Variants in SPAG17 observed in about 807,000 individuals in gnomAD.
The protein encoded by SPAG17 is sperm-associated antigen 17.
Under a neutral mutation model 273.6 loss-of-function variants are expected in SPAG17, and 169 were observed. That is an observed-to-expected ratio of 0.62 (90% CI 0.55 to 0.70). The LOEUF is 0.70. SPAG17 is among the 30% of genes least tolerant of loss of function. SPAG17 has a pLI of 0.00. For synonymous variants in SPAG17, 825 were observed against 873.2 expected (o/e 0.94, Z 0.97); for missense variants, 2,557 against 2,627.8 (o/e 0.97, Z 0.59).
At chr1:118,126,355 G>A (rs569472461) in intron 3 of SPAG17, among the ~76,000 whole-genome samples, 13 of 151,000 alleles carry the variant, frequency 8.6e-5, no homozygotes, top group African/African-American at 2.4e-4. Flanking sequence ...ACAGGCGCCC[G>A]CCACTACACC....
At position 118,055,876 on chromosome 1, in the gene SPAG17, C is replaced by A. The variant is rs757877561; in HGVS notation, c.2579G>T (p.Trp860Leu). 7 of 1,610,030 alleles carry A rather than the reference C, an allele frequency of 4.3e-6. No individual in the cohort carries two copies. The highest frequency in any genetic ancestry group is 5.9e-6 in the Non-Finnish European group (7 of 1,178,980). Reference sequence around the variant, plus strand: ...ATATATAGCTTCTTCTTTTGTAATCCAATCTTGAATAGATTTTGCAACAAG... The same window carrying A: ...ATATATAGCTTCTTCTTTTGTAATCAAATCTTGAATAGATTTTGCAACAAG... ...LELVAKSIQD[W>L]ITKEEAIYQE... Residue 860 changes from tryptophan (W) to leucine (L), a missense_variant, in exon 19 of 49, where the codon TGG (tryptophan) becomes TTG (leucine). By Grantham distance (61) the Trp-to-Leu change is moderately conservative. Coordinates refer to ENST00000336338, the MANE Select transcript of SPAG17 (RefSeq NM_206996.4).
At chr1:118,137,172 G>C (rs1230758892) in intron 3 of SPAG17, among the ~76,000 whole-genome samples, 1 of 152,154 alleles carries the variant, frequency 6.6e-6, no homozygotes, top group African/African-American at 2.4e-5. Context: ...GTGGTGGCCT[G>C]TGACTATGTG....
At chr1:118,074,432 T>G in intron 16 of SPAG17, 107 bp downstream of exon 16, 2 of 933,680 alleles carry the variant, frequency 2.1e-6, no homozygotes, top group South Asian at 2.8e-5. Flanking sequence ...GCCTCAGTAT[T>G]CTCCTTCTAA....
chr1:117,993,648 A>G (rs1458403821), intron 35 of SPAG17, among the ~76,000 whole-genome samples: 1 of 152,234 alleles, frequency 6.6e-6, no homozygotes, highest in Admixed American at 6.5e-5. Context: ...TTGCTATTAC[A>G]AGGTTTAGTG....
chr1:117,991,582 G>A, intron 36 of SPAG17, 54 bp from the exon 37 acceptor site: 1 of 1,132,440 alleles, frequency 8.8e-7, no homozygotes, highest in Non-Finnish European at 1.3e-6. Flanking sequence ...GGAAGAGAGA[G>A]ATACAAAAAT....
intron 20 of SPAG17, among the ~76,000 whole-genome samples, chr1:118,053,452 T>C (rs368355610): frequency 5.3e-5 from 8 of 151,984 alleles, no homozygotes; most frequent in East Asian, 1.9e-4. Context: ...ACATTCAAAA[T>C]TGAATTCAAG....
rs1291583213 is a variant in SPAG17 at position 118,185,148 on chromosome 1, T to C, written c.10A>G (p.Lys4Glu). MAP[K>E]KEKGGTVNTS... ...TTCACAGTTCCTCCTTTCTCCTTCT[T>C]GGGTGCCATGCAAAGGACGGGAGAA... The change falls in exon 1 of 49, where the codon AAG (lysine) becomes GAG (glutamate). Residue 4 changes from lysine (K) to glutamate (E), a missense_variant. Lys to Glu is a moderately conservative substitution (Grantham distance 56, BLOSUM62 1). Transcript: ENST00000336338. 1 of 1,613,942 alleles carries C rather than the reference T, an allele frequency of 6.2e-7. No homozygotes were observed. The highest frequency in any genetic ancestry group is 8.5e-7 in the Non-Finnish European group (1 of 1,179,822).
chr1:118,093,081 T>C (rs1655489856), intron 8 of SPAG17, 75 bp downstream of exon 8: 2 of 1,464,638 alleles, frequency 1.4e-6, no homozygotes, highest in South Asian at 1.3e-5. Context: ...TTTTTCTTCA[T>C]ATGCCTTATA....
intron 5 of SPAG17, among the ~76,000 whole-genome samples, chr1:118,101,251 C>A (rs1656048592): frequency 6.6e-6 from 1 of 152,048 alleles, no homozygotes; most frequent in Non-Finnish European, 1.5e-5. Context: ...CCTGTCTCTA[C>A]AAAATAAATT....
At chr1:118,124,117 T>A (rs1373088229) in intron 3 of SPAG17, among the ~76,000 whole-genome samples, 1 of 152,252 alleles carries the variant, frequency 6.6e-6, no homozygotes, top group Non-Finnish European at 1.5e-5. Flanking sequence ...CTGAATGTGA[T>A]AACGTATGGA....
At chr1:118,116,849 C>T (rs938290432) in intron 3 of SPAG17, among the ~76,000 whole-genome samples, 23 of 152,170 alleles carry the variant, frequency 1.5e-4, no homozygotes, top group Admixed American at 1.4e-3. Flanking sequence ...AAATACAGTG[C>T]TTTGCTTTTT....
intron 4 of SPAG17, among the ~76,000 whole-genome samples, chr1:118,110,974 T>TCA (rs1656721384): frequency 6.6e-6 from 1 of 152,132 alleles, no homozygotes; most frequent in South Asian, 2.1e-4. Context: ...TTTCATACCC[T>TCA]CAGTTTCCCC....
intron 3 of SPAG17, among the ~76,000 whole-genome samples, chr1:118,126,481 G>A (rs1380589073): frequency 6.6e-6 from 1 of 151,720 alleles, no homozygotes; most frequent in African/African-American, 2.4e-5. Flanking sequence ...CCAAAGTGCT[G>A]GGATTACAGG....
At chr1:118,020,006 T>A (rs1472922307) in intron 28 of SPAG17, among the ~76,000 whole-genome samples, 1 of 152,196 alleles carries the variant, frequency 6.6e-6, no homozygotes, top group African/African-American at 2.4e-5. Context: ...AGAGACACAT[T>A]TAAACATAAA....
At chr1:117,957,610 C>T (rs1049608923) in intron 48 of SPAG17, among the ~76,000 whole-genome samples, 9 of 152,170 alleles carry the variant, frequency 5.9e-5, no homozygotes, top group South Asian at 2.1e-4. Flanking sequence ...CTGTGGCCCG[C>T]AGGCCACATG....
chr1:117,969,436 G>A (rs1427144190), intron 46 of SPAG17, among the ~76,000 whole-genome samples: 2 of 151,972 alleles, frequency 1.3e-5, no homozygotes, highest in African/African-American at 4.8e-5. Context: ...AAAATTAGCC[G>A]GACGTGGTGG....
In SPAG17 at chr1:117,971,878, C is replaced by G; in HGVS notation, c.6311G>C (p.Gly2104Ala). ...YATVVKLKNV[G>A]VDFCRFKVKQ... ...TTGGCCTCACCTGCAGAAGTCCACTCCAACATTCTTGAGCTTTACAACTGT... is the reference window on the plus strand; with the variant it reads ...TTGGCCTCACCTGCAGAAGTCCACTGCAACATTCTTGAGCTTTACAACTGT... The change falls in exon 45 of 49, where the codon GGA becomes GCA. Residue 2104 changes from glycine to alanine, a missense_variant. Gly to Ala is a moderately conservative substitution (Grantham distance 60, BLOSUM62 0). Coordinates refer to ENST00000336338, the MANE Select transcript of SPAG17 (RefSeq NM_206996.4). 6.2e-7 allele frequency: 1 copy of G among 1,613,348 alleles called. No homozygotes were observed. The highest frequency in any genetic ancestry group is 8.5e-7 in the Non-Finnish European group (1 of 1,179,672).
rs1272972391 is a variant in SPAG17 at position 118,098,590 on chromosome 1, T to C, written c.830-739A>G. Among the ~76,000 whole-genome samples, 3 of 152,108 alleles carry C rather than the reference T, an allele frequency of 2.0e-5. No individual in the cohort carries two copies. In the South Asian group the frequency reaches 6.2e-4, roughly 32 times the overall value. On this transcript the variant is annotated intron_variant, in intron 6 of 48. Coordinates refer to ENST00000336338, the MANE Select transcript of SPAG17 (RefSeq NM_206996.4). ...CTCACTTCAATAATAAACCATTTAG[T>C]ATTATAACTATCCTTTGAGATCATC...
At chr1:118,036,141 T>C (rs1020541470) in intron 24 of SPAG17, among the ~76,000 whole-genome samples, 1 of 151,968 alleles carries the variant, frequency 6.6e-6, no homozygotes, top group African/African-American at 2.4e-5. Context: ...TGAGGCATGA[T>C]TGTGCCACTG....
Sources: gnomAD v4.1 joint callset for allele counts (sites outside exome capture counted in the v4.1 genomes callset) on GRCh38, gnomAD v4.1.1 for gene constraint, MANE v1.5 for transcripts, NCBI Gene and HGNC (gene_info 2026-07-23, HGNC 2026-07-21) for gene names.